The following APBB2 variants were observed in gnomAD, a reference collection of about 807,000 sequenced individuals.
APBB2 encodes the protein Fe65-like 1.
In APBB2, 38 loss-of-function variants were observed where a neutral mutation model predicts 82.5. The observed-to-expected ratio is 0.46, with a 90% CI of 0.36 to 0.60. The LOEUF is 0.60. APBB2 is among the 20% of genes least tolerant of loss of function. APBB2 has a pLI of 0.00. For synonymous variants in APBB2, 341 were observed against 368.2 expected, an observed-to-expected ratio of 0.93 and a Z score of 0.85; for missense variants, 772 against 972.3, an observed-to-expected ratio of 0.79 and a Z score of 2.74.
At chr4:41,147,510 T>C (rs1225083101) in intron 1 of APBB2, among the ~76,000 whole-genome samples, 7 of 123,838 alleles carry the variant, frequency 5.7e-5, no homozygotes, top group Non-Finnish European at 1.0e-4. Context: ...TTTTTTTAAA[T>C]GAGGAGTTTC....
chr4:41,152,853 A>T (rs566219222), intron 1 of APBB2, among the ~76,000 whole-genome samples: 1 of 152,348 alleles, frequency 6.6e-6, no homozygotes, highest in South Asian at 2.1e-4. Context: ...TACTGGTGGA[A>T]TGCAGGCTCT....
At chr4:41,079,058 C>T (rs12507056) in intron 3 of APBB2, among the ~76,000 whole-genome samples, 2 of 152,210 alleles carry the variant, frequency 1.3e-5, no homozygotes, top group African/African-American at 4.8e-5. Flanking sequence ...ACACCCACTG[C>T]TCAGAGGCAG....
At chr4:40,818,026 C>T (rs1319389401) in intron 17 of APBB2, among the ~76,000 whole-genome samples, 1 of 152,212 alleles carries the variant, frequency 6.6e-6, no homozygotes, top group Non-Finnish European at 1.5e-5. Flanking sequence ...CATAAAGGGT[C>T]CCTCTCTGTT....
rs540246127 is a variant in APBB2, at chr4:41,068,131, C to T, written c.-148-2458G>A. On this transcript the variant is annotated intron_variant, in intron 3 of 17. Transcript: ENST00000508593. The stretch of plus-strand genomic sequence containing the variant: ...TGCATTCCAGGATCCCCAGTGGATG[C>T]CTGAAATCATGGATAGAACCAAGCC... Among the ~76,000 whole-genome samples the T allele has an allele frequency of 2.0e-5, 3 of 152,274 alleles. No homozygotes were observed. In the South Asian group the frequency reaches 6.2e-4, roughly 32 times the overall value.
At chr4:41,196,027 G>A in intron 1 of APBB2, among the ~76,000 whole-genome samples, 27 of 141,494 alleles carry the variant, frequency 1.9e-4, no homozygotes, top group Admixed American at 1.5e-3. Context: ...GGGTGTGGTG[G>A]CGGCGCCTGT....
At chr4:40,833,465 T>A (rs1303361464) in intron 12 of APBB2, among the ~76,000 whole-genome samples, 1 of 152,130 alleles carries the variant, frequency 6.6e-6, no homozygotes, top group African/African-American at 2.4e-5. Context: ...CTAGCCCAGC[T>A]CAACGGTCCG....
At position 40,811,645 on chromosome 4, in the gene APBB2, A is replaced by AGAT. The variant is rs1033281110; in HGVS notation, c.*4444_*4446dup. 1.4e-5 allele frequency: 2 copies of AGAT among 140,100 alleles called. No individual in the cohort carries two copies. Among genetic ancestry groups the AGAT allele is most frequent in the South Asian group, 2.2e-4 (1 of 4,618 alleles). 8.7% of individuals were successfully genotyped at this position (140,100 alleles called of 1,614,324 possible). A position where few individuals can be genotyped will look rare whatever the true frequency, so the allele number is the denominator to read the frequency against. On this transcript the variant is annotated 3_prime_UTR_variant, in exon 18 of 18. Coordinates refer to ENST00000508593, the MANE Select transcript of APBB2 (RefSeq NM_004307.2). ...TTTTACATTCTTGGACTTCTTCTTG[A>AGAT]GATAAAAGTGCTGCAAAATTCTAAA... is the stretch of plus-strand genomic sequence containing the variant.
chr4:41,040,403 A>G (rs1399260810), intron 4 of APBB2, among the ~76,000 whole-genome samples: 1 of 152,224 alleles, frequency 6.6e-6, no homozygotes. Context: ...ACGCTATATA[A>G]CATTTATTGA....
intron 1 of APBB2, among the ~76,000 whole-genome samples, chr4:41,204,396 A>G (rs1777439664): frequency 1.3e-5 from 2 of 152,174 alleles, no homozygotes; most frequent in Admixed American, 6.5e-5. Flanking sequence ...CCGAGGTGGG[A>G]GGGAAGGTGG....
At chr4:41,081,265 T>A (rs560010543) in intron 3 of APBB2, among the ~76,000 whole-genome samples, 2 of 152,320 alleles carry the variant, frequency 1.3e-5, no homozygotes, top group South Asian at 4.1e-4. Flanking sequence ...GCAGTGTGTG[T>A]GTGTCTGTGT....
At chr4:41,080,799 T>C (rs903303741) in intron 3 of APBB2, among the ~76,000 whole-genome samples, 2 of 151,576 alleles carry the variant, frequency 1.3e-5, no homozygotes, top group African/African-American at 4.8e-5. Flanking sequence ...ACCTCCCAGA[T>C]TCAAGCAATT....
intron 3 of APBB2, among the ~76,000 whole-genome samples, chr4:41,100,140 C>T (rs1368530251): frequency 6.6e-6 from 1 of 152,112 alleles, no homozygotes; most frequent in African/African-American, 2.4e-5. Context: ...TCAATTCTTC[C>T]AAGACAAAGC....
Position 41,127,995 on chromosome 4 carries a change from G to T in APBB2, c.-261+14992C>A, listed in dbSNP as rs1030089661. Among the ~76,000 whole-genome samples the T allele has an allele frequency of 4.6e-5, 7 of 152,138 alleles. No individual in the cohort carries two copies. The highest frequency in any genetic ancestry group is 1.4e-4 in the African/African-American group (6 of 41,518). ...CCTGGGAGACTGAAGCATGAGAATCGCTTGAACCCAGGAGGCGGAGATTGC... is the reference window on the plus strand; with the variant it reads ...CCTGGGAGACTGAAGCATGAGAATCTCTTGAACCCAGGAGGCGGAGATTGC... On this transcript the variant is annotated intron_variant, in intron 2 of 17. Coordinates refer to ENST00000508593, the MANE Select transcript of APBB2 (RefSeq NM_004307.2). This position sits in a 1 kb window ranked among gnomAD's most constrained non-coding sequence, Gnocchi z 4.8.
chr4:40,880,033 A>C, intron 12 of APBB2: 1 of 985,412 alleles, frequency 1.0e-6, no homozygotes. Context: ...TATGTTAATA[A>C]AAAGAGTGTC....
At chr4:41,181,777 C>A (rs552375590) in intron 1 of APBB2, among the ~76,000 whole-genome samples, 49 of 151,940 alleles carry the variant, frequency 3.2e-4, no homozygotes, top group African/African-American at 9.4e-4. Flanking sequence ...GCAACCCTGT[C>A]TCTACTAAAA....
At chr4:41,063,504 T>C (rs578248576) in intron 4 of APBB2, among the ~76,000 whole-genome samples, 4 of 152,282 alleles carry the variant, frequency 2.6e-5, no homozygotes, top group Admixed American at 6.5e-5. Flanking sequence ...TCTGAAAATA[T>C]GTGAAGAGCT....
Position 40,812,565 on chromosome 4 carries a change from ATTAG to A in APBB2, c.*3523_*3526del, listed in dbSNP as rs1744625668. On this transcript the variant is annotated 3_prime_UTR_variant, in exon 18 of 18. Coordinates refer to ENST00000508593, the MANE Select transcript of APBB2 (RefSeq NM_004307.2). ...GGCCAACTAGAGAGCGAAGGGGCTT[ATTAG>A]TTAAATTGTGCTAATATCAGTTAGG... is the stretch of plus-strand genomic sequence containing the variant. The A allele has an allele frequency of 6.6e-6, 1 of 152,226 alleles. No homozygotes were observed. Among genetic ancestry groups the A allele is most frequent in the Non-Finnish European group, 1.5e-5 (1 of 68,048 alleles). The allele number at this position is 152,226 out of a possible 1,614,324, so 9.4% of individuals were successfully genotyped here.
intron 2 of APBB2, among the ~76,000 whole-genome samples, chr4:41,115,908 G>A (rs554651775): frequency 3.0e-4 from 46 of 152,282 alleles, no homozygotes; most frequent in African/African-American, 9.6e-4. Flanking sequence ...ACAGTGTGGC[G>A]ATTCCTCGAG....
chr4:41,094,763 C>T (rs1023115937), intron 3 of APBB2, among the ~76,000 whole-genome samples: 3 of 152,122 alleles, frequency 2.0e-5, no homozygotes, highest in African/African-American at 7.2e-5. Flanking sequence ...CGGGGTTTCG[C>T]TATGTTGGCT....
Sources: allele counts gnomAD v4.1 joint callset (sites outside exome capture counted in the v4.1 genomes callset), GRCh38; gene constraint gnomAD v4.1.1; non-coding constraint Gnocchi (gnomAD v3.1); transcripts MANE v1.5; gene names NCBI Gene and HGNC (gene_info 2026-07-23, HGNC 2026-07-21).